Variants in BBS9 observed in about 807,000 individuals in gnomAD.
The protein encoded by BBS9 is protein PTHB1.
Under a neutral mutation model 117.7 loss-of-function variants are expected in BBS9, and 89 were observed. The ratio of observed to expected loss-of-function variants is 0.76; its 90% confidence interval spans 0.64 to 0.90. The LOEUF (loss-of-function observed/expected upper bound fraction) is 0.90, where lower values mean the gene tolerates loss of function less well. Ranked by LOEUF, BBS9 falls within the 40% of genes least tolerant of loss-of-function variation. The pLI is 0.00. For synonymous variants in BBS9, 379 were observed against 370.9 expected (o/e 1.02, Z -0.25); for missense variants, 982 against 1,042.2 (o/e 0.94, Z 0.80).
chr7:33,406,285 G>T (rs1271297619), intron 19 of BBS9, among the ~76,000 whole-genome samples: 3 of 152,150 alleles, frequency 2.0e-5, no homozygotes, highest in Non-Finnish European at 4.4e-5. Context: ...TTTGGAACAG[G>T]TGTGGTGTGG....
In BBS9 at chr7:33,275,652, G is replaced by A. The variant is rs370903912; in HGVS notation, c.1016+1696G>A. Among the ~76,000 whole-genome samples the A allele has an allele frequency of 2.6e-5, 4 of 152,268 alleles. No individual in the cohort carries two copies. In the East Asian group the frequency reaches 7.7e-4, roughly 29 times the overall value. On this transcript the variant is annotated intron_variant, in intron 9 of 22. Transcript: ENST00000242067. ...ATACTTAAAAATTATTGGGGTTTTG[G>A]TGTGTATTTTGAGCACAGGAGAATG...
intron 10 of BBS9, among the ~76,000 whole-genome samples, chr7:33,338,127 G>A (rs1020476099): frequency 6.6e-6 from 1 of 151,906 alleles, no homozygotes; most frequent in African/African-American, 2.4e-5. Flanking sequence ...GGTGTAAAGT[G>A]CATGATTTAC....
intron 9 of BBS9, among the ~76,000 whole-genome samples, chr7:33,283,008 A>C (rs146416865): frequency 2.3e-3 from 349 of 152,222 alleles, no homozygotes; most frequent in African/African-American, 8.3e-3. Flanking sequence ...ACTTCCATAC[A>C]TTTTTTGTAA....
At chr7:33,581,335 C>T (rs2129159943) in intron 21 of BBS9, among the ~76,000 whole-genome samples, 2 of 152,212 alleles carry the variant, frequency 1.3e-5, no homozygotes, top group South Asian at 4.1e-4. Flanking sequence ...TTTATTTACA[C>T]CTATAAACGT....
At chr7:33,259,868 A>G (rs1203740583) in intron 6 of BBS9, among the ~76,000 whole-genome samples, 4 of 147,284 alleles carry the variant, frequency 2.7e-5, no homozygotes, top group Non-Finnish European at 3.0e-5. Flanking sequence ...GTTCAGGCCT[A>G]TATTTTTTCA....
chr7:33,259,449 T>C (rs574072731), intron 6 of BBS9, among the ~76,000 whole-genome samples: 5 of 152,312 alleles, frequency 3.3e-5, no homozygotes, highest in Admixed American at 6.5e-5. Flanking sequence ...GAAATCATCA[T>C]TGTAAATTTT....
intron 1 of BBS9, among the ~76,000 whole-genome samples, chr7:33,144,514 T>C (rs10241784): frequency 0.39 from 59,634 of 152,074 alleles, 12,035 homozygotes; most frequent in East Asian, 0.59. Context: ...TGTTAAACAA[T>C]GGCTTTCTTG....
At chr7:33,554,780 C>A (rs965193232) in intron 21 of BBS9, among the ~76,000 whole-genome samples, 3 of 152,062 alleles carry the variant, frequency 2.0e-5, no homozygotes, top group Non-Finnish European at 2.9e-5. Flanking sequence ...AATGGGCTTT[C>A]ACTTATATGG....
At chr7:33,249,826 C>T (rs1172090943) in intron 5 of BBS9, among the ~76,000 whole-genome samples, 1 of 152,128 alleles carries the variant, frequency 6.6e-6, no homozygotes, top group African/African-American at 2.4e-5. Context: ...GAAACATGAT[C>T]CATTGCACTG....
Position 33,273,064 on chromosome 7 carries a change from C to T in BBS9, c.755C>T (p.Ser252Phe), listed in dbSNP as rs1382587192. ...CAAGCCCTTGACATATGTATTGTCT[C>T]TTTCAATCAGTCGGCATCCTCTGTT... ...GEQALDICIVSFNQSASSVFV... is the reference protein window; with the variant it reads ...GEQALDICIVFFNQSASSVFV... The change falls in exon 8 of 23, where the codon TCT becomes TTT. Residue 252 changes from serine to phenylalanine, a missense_variant. Coordinates refer to ENST00000242067, the MANE Select transcript of BBS9 (RefSeq NM_198428.3). The T allele has an allele frequency of 2.5e-6, 4 of 1,613,420 alleles. No individual in the cohort carries two copies. The highest frequency in any genetic ancestry group is 2.2e-5 in the South Asian group (2 of 91,022).
At chr7:33,539,590 A>G (rs1380603739) in intron 21 of BBS9, among the ~76,000 whole-genome samples, 1 of 152,250 alleles carries the variant, frequency 6.6e-6, no homozygotes, top group Admixed American at 6.5e-5. Context: ...GCACCTTTAC[A>G]GAAAGGGTCC....
At chr7:33,498,744 T>G (rs932160355) in intron 19 of BBS9, among the ~76,000 whole-genome samples, 1 of 152,216 alleles carries the variant, frequency 6.6e-6, no homozygotes, top group Non-Finnish European at 1.5e-5. Context: ...TGCCACAATT[T>G]GTTTATCCAT....
chr7:33,166,362 C>G (rs1795683351), intron 4 of BBS9, among the ~76,000 whole-genome samples: 1 of 152,218 alleles, frequency 6.6e-6, no homozygotes, highest in Admixed American at 6.5e-5. Flanking sequence ...GCTAAAACAC[C>G]ATGCTGGGAG....
At chr7:33,601,605 GATTCTGC>G (rs796862915) in intron 21 of BBS9, among the ~76,000 whole-genome samples, 4 of 152,246 alleles carry the variant, frequency 2.6e-5, no homozygotes, top group African/African-American at 9.6e-5. Context: ...TGGGGCCTGA[GATTCTGC>G]ATTTCTGACA....
intron 21 of BBS9, among the ~76,000 whole-genome samples, chr7:33,573,948 C>A (rs4590341): frequency 0.28 from 42,542 of 151,978 alleles, 10,315 homozygotes; most frequent in African/African-American, 0.64. Flanking sequence ...AGTGGTGGCG[C>A]TGCTATCTTT....
At chr7:33,613,608 C>G (rs141223256) in intron 21 of BBS9, among the ~76,000 whole-genome samples, 8 of 151,962 alleles carry the variant, frequency 5.3e-5, no homozygotes, top group African/African-American at 1.9e-4. Flanking sequence ...TATAAAGTGA[C>G]AAAAACCTCA....
At chr7:33,393,076 G>A (rs1827332111) in intron 19 of BBS9, among the ~76,000 whole-genome samples, 1 of 152,144 alleles carries the variant, frequency 6.6e-6, no homozygotes, top group African/African-American at 2.4e-5. Context: ...TGAGGTGGGA[G>A]GATTGCTTTA....
At chr7:33,466,799 C>A (rs79983913) in intron 19 of BBS9, among the ~76,000 whole-genome samples, 4,962 of 152,116 alleles carry the variant, frequency 0.033, 144 homozygotes, top group African/African-American at 0.078. Context: ...GAGGCGGATA[C>A]AGAGGGAAGT....
At chr7:33,298,173 A>T (rs146615563) in intron 9 of BBS9, among the ~76,000 whole-genome samples, 14 of 151,980 alleles carry the variant, frequency 9.2e-5, no homozygotes, top group African/African-American at 3.4e-4. Context: ...CAGGTTCAAC[A>T]TTGACACATA....
Sources: allele counts gnomAD v4.1 joint callset (sites outside exome capture counted in the v4.1 genomes callset), GRCh38; gene constraint gnomAD v4.1.1; transcripts MANE v1.5; gene names NCBI Gene and HGNC (gene_info 2026-07-23, HGNC 2026-07-21).